The following PVR variants were observed in gnomAD, a reference collection of about 807,000 sequenced individuals.
PVR encodes the protein PVR cell adhesion molecule.
Under a neutral mutation model 43.3 loss-of-function variants are expected in PVR, and 39 were observed. The observed-to-expected ratio is 0.90, with a 90% CI of 0.70 to 1.18. PVR has a LOEUF of 1.18. Among genes scored for constraint, PVR ranks in the 50% most tolerant of loss-of-function variants. The pLI is 0.00. For synonymous variants in PVR, 224 were observed against 233.2 expected (o/e 0.96, Z 0.36); for missense variants, 480 against 549.7 (o/e 0.87, Z 1.27).
chr19:44,644,249 C>T, intron 1 of PVR, 74 bp downstream of exon 1: 1 of 1,221,958 alleles, frequency 8.2e-7, no homozygotes, highest in Non-Finnish European at 1.1e-6. Flanking sequence ...TACTCGCCCC[C>T]TTGGGTTCCC....
intron 1 of PVR, among the ~76,000 whole-genome samples, chr19:44,645,101 ATATTATAG>A (rs1973050296): frequency 6.4e-5 from 6 of 93,900 alleles, no homozygotes; most frequent in African/African-American, 2.3e-4. Context: ...TATATAATAT[ATATTATAG>A]TAATATATAA....
chr19:44,652,285 T>C (rs2123757167), intron 3 of PVR, among the ~76,000 whole-genome samples: 1 of 152,224 alleles, frequency 6.6e-6, no homozygotes, highest in East Asian at 1.9e-4. Flanking sequence ...CTCAACCTCC[T>C]GGGCTTAAGT....
chr19:44,659,018 T>A, intron 6 of PVR, 118 bp downstream of exon 6: 1 of 933,254 alleles, frequency 1.1e-6, no homozygotes, highest in Non-Finnish European at 1.6e-6. Context: ...CCCATTTGAC[T>A]GATGAGGGTG....
rs1973679650 is a variant in PVR, at chr19:44,665,144, TC to T, written c.*3334del. ...GTTAAGAAAACCGCAACTATCCTTA[TC>T]AGAGACTTGGCGGGGGGCAGGGTAT... is the stretch of plus-strand genomic sequence containing the variant. On this transcript the variant is annotated 3_prime_UTR_variant, in exon 8 of 8. Coordinates refer to ENST00000425690, the MANE Select transcript of PVR (RefSeq NM_006505.5). 1 of 151,170 alleles carries T rather than the reference TC, an allele frequency of 6.6e-6. No individual in the cohort carries two copies. Among genetic ancestry groups the T allele is most frequent in the African/African-American group, 2.4e-5 (1 of 41,350 alleles). 9.4% of individuals were successfully genotyped at this position (151,170 alleles called of 1,614,324 possible).
At chr19:44,644,555 C>G (rs528381229) in intron 1 of PVR, among the ~76,000 whole-genome samples, 1 of 151,978 alleles carries the variant, frequency 6.6e-6, no homozygotes, top group African/African-American at 2.4e-5. Context: ...GGTTCCTGCT[C>G]AGCATACCCA....
intron 1 of PVR, among the ~76,000 whole-genome samples, chr19:44,645,477 T>TGAGA (rs71171277): frequency 0.29 from 38,795 of 131,596 alleles, 6,887 homozygotes; most frequent in African/African-American, 0.46. Context: ...TGTGTGTGTA[T>TGAGA]GAGAGAGACA....
At position 44,663,529 on chromosome 19, in the gene PVR, CCTTGT is replaced by C. The variant is rs1973638580; in HGVS notation, c.*1721_*1725del. On this transcript the variant is annotated 3_prime_UTR_variant, in exon 8 of 8. Coordinates refer to ENST00000425690, the MANE Select transcript of PVR (RefSeq NM_006505.5). ...TGGTTGCTTTGGTGGCACGTAAGCT[CCTTGT>C]CTGTCTCCAGCACCCAGAATCTCAT... is the stretch of plus-strand genomic sequence containing the variant. 1 of 152,130 alleles carries C rather than the reference CCTTGT, an allele frequency of 6.6e-6. No individual in the cohort carries two copies. The highest frequency in any genetic ancestry group is 2.4e-5 in the African/African-American group (1 of 41,406). 9.4% of individuals were successfully genotyped at this position (152,130 alleles called of 1,614,324 possible).
At position 44,664,184 on chromosome 19, in the gene PVR, CTTTATTTA is replaced by C. The variant is rs201567346; in HGVS notation, c.*2385_*2392del. ...TACCAAAAAACCATTGAATAGTGCA[CTTTATTTA>C]TTTATTTATTTGTTTATTTATTTAT... On this transcript the variant is annotated 3_prime_UTR_variant, in exon 8 of 8. Coordinates refer to ENST00000425690, the MANE Select transcript of PVR (RefSeq NM_006505.5). 3.3e-4 allele frequency: 50 copies of C among 151,918 alleles called. No homozygotes were observed. The highest frequency in any genetic ancestry group is 5.8e-4 in the African/African-American group (24 of 41,420). 9.4% of individuals were successfully genotyped at this position (151,918 alleles called of 1,614,324 possible).
Position 44,661,301 on chromosome 19 carries a change from A to T in PVR, c.1160A>T (p.His387Leu). 6.2e-7 allele frequency: 1 copy of T among 1,613,994 alleles called. No homozygotes were observed. Among genetic ancestry groups the T allele is most frequent in the Non-Finnish European group, 8.5e-7 (1 of 1,179,862 alleles). Reference sequence around the variant, plus strand: ...CCTCCTATTTCCCCAGGTACAGAGCATGCCAGCGCCTCAGCTAATGGGGTA... The same window carrying T: ...CCTCCTATTTCCCCAGGTACAGAGCTTGCCAGCGCCTCAGCTAATGGGGTA... Reference protein sequence around the residue: ...HCHLCPSSTEHASASANGHVS... With the variant: ...HCHLCPSSTELASASANGHVS... Residue 387 changes from histidine to leucine, a missense_variant, in exon 7 of 8, where the codon CAT (histidine) becomes CTT (leucine). Physicochemically the swap from His to Leu is moderately conservative, Grantham distance 99. Coordinates refer to ENST00000425690, the MANE Select transcript of PVR (RefSeq NM_006505.5).
intron 1 of PVR, among the ~76,000 whole-genome samples, chr19:44,645,413 GTGTATATATA>G (rs199533560): frequency 0.13 from 6,572 of 52,062 alleles, 351 homozygotes; most frequent in South Asian, 0.35. Flanking sequence ...TATATGTTTT[GTGTATATATA>G]TATATATATA....
rs757117274 is a variant in PVR, at chr19:44,657,801, C to T, written c.882C>T (p.Gly294=). 26 of 1,613,936 alleles carry T rather than the reference C, an allele frequency of 1.6e-5. No homozygotes were observed. The highest frequency in any genetic ancestry group is 6.7e-5 in the Admixed American group (4 of 59,984). Reference sequence around the variant, plus strand: ...TGCCACCCTTTGCTGTGGCCCAGGGCGCCCAGCTCCTGATCCGTCCTGTGG... The same window carrying T: ...TGCCACCCTTTGCTGTGGCCCAGGGTGCCCAGCTCCTGATCCGTCCTGTGG... ...GPLPPFAVAQ[G]AQLLIRPVDK... Residue 294 remains glycine, a synonymous_variant, in exon 5 of 8, where the codon GGC becomes GGT. Transcript: ENST00000425690.
rs1257751958 is a variant in PVR, at chr19:44,647,586, T to G, written c.427+16T>G. ...CGAGTGCTTGGTGAGCAGGGGGTTT[T>G]GGGGAGGCTGAATGAAAGGCAGAGA... On this transcript the variant is annotated intron_variant, in intron 2 of 7. Coordinates refer to ENST00000425690, the MANE Select transcript of PVR (RefSeq NM_006505.5). The G allele has an allele frequency of 2.1e-5, 33 of 1,589,178 alleles. No individual in the cohort carries two copies. Among genetic ancestry groups the G allele is most frequent in the Non-Finnish European group, 2.7e-5 (32 of 1,166,224 alleles).
rs1255591806 is a variant in PVR, at chr19:44,662,573, T to C, written c.*762T>C. On this transcript the variant is annotated 3_prime_UTR_variant, in exon 8 of 8. Transcript: ENST00000425690. ...CGGCTGACCTCATACATCAAGCCAATACCGTGTGGCCCAAGACCCCCACCA... is the reference window on the plus strand; with the variant it reads ...CGGCTGACCTCATACATCAAGCCAACACCGTGTGGCCCAAGACCCCCACCA... 1 of 152,238 alleles carries C rather than the reference T, an allele frequency of 6.6e-6. No homozygotes were observed. The highest frequency in any genetic ancestry group is 1.9e-4 in the East Asian group (1 of 5,192). 9.4% of individuals were successfully genotyped at this position (152,238 alleles called of 1,614,324 possible).
intron 2 of PVR, among the ~76,000 whole-genome samples, chr19:44,648,986 T>A (rs1181805694): frequency 6.6e-6 from 1 of 152,224 alleles, no homozygotes; most frequent in Non-Finnish European, 1.5e-5. Flanking sequence ...TCAGACAGAC[T>A]TTATGTGAAA....
At chr19:44,651,650 G>A (rs906066520) in intron 3 of PVR, among the ~76,000 whole-genome samples, 1 of 152,130 alleles carries the variant, frequency 6.6e-6, no homozygotes, top group African/African-American at 2.4e-5. Flanking sequence ...GCCTCCTTGT[G>A]TTCTGTCTGC....
Position 44,663,740 on chromosome 19 carries a change from G to C in PVR, c.*1929G>C, listed in dbSNP as rs1411965560. ...TTCCCAGGCACCTTAGGAACAGCTT[G>C]TCTTTTTTTTTTTCCTCTCCAAAAA... On this transcript the variant is annotated 3_prime_UTR_variant, in exon 8 of 8. Coordinates refer to ENST00000425690, the MANE Select transcript of PVR (RefSeq NM_006505.5). 6.8e-6 allele frequency among the ~76,000 whole-genome samples: 1 copy of C among 147,398 alleles called. No individual in the cohort carries two copies.
chr19:44,646,075 CAG>C (rs1222251614), intron 1 of PVR, among the ~76,000 whole-genome samples: 5 of 152,126 alleles, frequency 3.3e-5, no homozygotes, highest in Non-Finnish European at 5.9e-5. Flanking sequence ...GTGCTTGCCT[CAG>C]GGGGGCTATT....
intron 1 of PVR, among the ~76,000 whole-genome samples, chr19:44,645,137 T>TA (rs1449628254): frequency 0.026 from 1,441 of 55,370 alleles, 176 homozygotes; most frequent in South Asian, 0.067. Context: ...TAATATATTA[T>TA]ATATATTATT....
chr19:44,663,707 G>C lies in PVR; in HGVS notation c.*1896G>C, dbSNP rs1352966921. On this transcript the variant is annotated 3_prime_UTR_variant, in exon 8 of 8. Transcript: ENST00000425690. ...GACGCTAAATGAAGAGGGCCATAAG[G>C]GCTGGGATTCCCAGGCACCTTAGGA... is the stretch of plus-strand genomic sequence containing the variant. 2 of 152,042 alleles carry C rather than the reference G, an allele frequency of 1.3e-5. No homozygotes were observed. The highest frequency in any genetic ancestry group is 2.9e-5 in the Non-Finnish European group (2 of 67,982). The allele number at this position is 152,042 out of a possible 1,614,324, so 9.4% of individuals were successfully genotyped here.
Sources: gnomAD v4.1 joint callset for allele counts (sites outside exome capture counted in the v4.1 genomes callset) on GRCh38, gnomAD v4.1.1 for gene constraint, MANE v1.5 for transcripts, NCBI Gene and HGNC (gene_info 2026-07-23, HGNC 2026-07-21) for gene names.